Variants in LYSMD2 observed in about 807,000 individuals in gnomAD.
LYSMD2 encodes lysM and putative peptidoglycan-binding domain-containing protein 2.
A neutral mutation model predicts 17.7 loss-of-function variants in LYSMD2; 6 were observed. The ratio of observed to expected loss-of-function variants is 0.34; its 90% CI spans 0.19 to 0.67. The LOEUF (loss-of-function observed/expected upper bound fraction) is 0.67. Ranked by LOEUF, LYSMD2 falls within the 30% of genes least tolerant of loss-of-function variation. LYSMD2 has a pLI of 0.69. For synonymous variants in LYSMD2, 102 were observed against 129.8 expected (o/e 0.79, Z 1.45); for missense variants, 237 against 286.7 (o/e 0.83, Z 1.25).
At position 51,723,396 on chromosome 15, in the gene LYSMD2, T is replaced by C. The variant is rs2055515355; in HGVS notation, c.*211A>G. On this transcript the variant is annotated 3_prime_UTR_variant, in exon 3 of 3. Coordinates refer to ENST00000267838, the MANE Select transcript of LYSMD2 (RefSeq NM_153374.3). ...AAGTGATGAGCTTTAGGCTACAACC[T>C]TGCCATCATGCCATAATAAAGACTT... is the stretch of plus-strand genomic sequence containing the variant. 2 of 497,122 alleles carry C rather than the reference T, an allele frequency of 4.0e-6. No homozygotes were observed. The highest frequency in any genetic ancestry group is 2.5e-5 in the South Asian group (1 of 39,296). The allele number at this position is 497,122 out of a possible 1,614,324, so 30.8% of individuals were successfully genotyped here.
upstream of LYSMD2, chr15:51,737,787 G>A (rs2141599749): frequency 2.2e-6 from 1 of 446,210 alleles, no homozygotes; most frequent in Non-Finnish European, 3.5e-6. The surrounding 1 kb of genome is among the most constrained non-coding windows in gnomAD (Gnocchi z 4.2). Context: ...CGGGCATGGC[G>A]GGCGCCTCCT....
upstream of LYSMD2, among the ~76,000 whole-genome samples, chr15:51,741,082 AGGCATTCCT>A (rs144079735): frequency 2.5e-4 from 38 of 152,370 alleles, 2 homozygotes; most frequent in East Asian, 1.7e-3. Flanking sequence ...ACAAGGGCCA[AGGCATTCCT>A]GAGGAAGAAT....
chr15:51,751,182 T>C lies in LYSMD2; in HGVS notation c.-1+89A>G, dbSNP rs534598474. ...CTTGCTAACTTCCACCTCGCTTACC[T>C]CCTTCCCTCCCTAGGCTGCCAACCC... On this transcript the variant is annotated intron_variant, in intron 1 of 2. Coordinates refer to the LYSMD2 transcript ENST00000454181. 1.5e-4 allele frequency: 104 copies of C among 685,322 alleles called. 1 individual carries two copies. The South Asian group carries it at 1.6e-3, about 10-fold the overall frequency. The allele number at this position is 685,322 out of a possible 1,614,324, so 42.5% of individuals were successfully genotyped here.
Position 51,737,103 on chromosome 15 carries a change from G to A in LYSMD2, c.273+247C>T, listed in dbSNP as rs1361897734. On this transcript the variant is annotated intron_variant, in intron 1 of 2. Coordinates refer to ENST00000267838, the MANE Select transcript of LYSMD2 (RefSeq NM_153374.3). This position sits in a 1 kb window ranked among gnomAD's most constrained non-coding sequence, Gnocchi z 4.2. ...ACCGGGAACTCGATGCAGCTACCTAGGGAGGGAGCCCTGGCGGTCCGCCCC... is the reference window on the plus strand; with the variant it reads ...ACCGGGAACTCGATGCAGCTACCTAAGGAGGGAGCCCTGGCGGTCCGCCCC... Among the ~76,000 whole-genome samples the A allele has an allele frequency of 6.6e-6, 1 of 152,210 alleles. No homozygotes were observed. The highest frequency in any genetic ancestry group is 6.5e-5 in the Admixed American group (1 of 15,288).
intron 1 of LYSMD2, 59 bp from the exon 2 acceptor site, chr15:51,725,180 A>G (rs1362583560): frequency 9.4e-7 from 1 of 1,059,648 alleles, no homozygotes; most frequent in Non-Finnish European, 1.4e-6. Flanking sequence ...AGTAAGATTT[A>G]TTATACAATA....
At chr15:51,732,063 G>A (rs2055580607) in intron 1 of LYSMD2, among the ~76,000 whole-genome samples, 1 of 152,162 alleles carries the variant, frequency 6.6e-6, no homozygotes, top group Admixed American at 6.5e-5. Context: ...AAACTTATAT[G>A]TCATTCCATG....
intron 1 of LYSMD2, among the ~76,000 whole-genome samples, chr15:51,725,671 C>G (rs1184874165): frequency 1.3e-5 from 2 of 151,896 alleles, no homozygotes; most frequent in Non-Finnish European, 1.5e-5. Flanking sequence ...AGCTTATATA[C>G]CCACTCACAT....
At chr15:51,743,760 C>T (rs913886691) in intron 1 of LYSMD2, among the ~76,000 whole-genome samples, 1 of 152,112 alleles carries the variant, frequency 6.6e-6, no homozygotes, top group African/African-American at 2.4e-5. Flanking sequence ...CATGGAATAC[C>T]TCCCCATTTA....
At chr15:51,744,444 T>C (rs1316217776) in intron 1 of LYSMD2, among the ~76,000 whole-genome samples, 1 of 152,180 alleles carries the variant, frequency 6.6e-6, no homozygotes, top group Non-Finnish European at 1.5e-5. Context: ...ATAGATTATA[T>C]TAATTAATTT....
chr15:51,750,798 A>T lies in LYSMD2; in HGVS notation c.-1+473T>A, dbSNP rs80124074. ...CTCTCAAGAACCTGGCAGACAGAAC[A>T]TCTCAGGGTATATTCAGGGATGAAG... On this transcript the variant is annotated intron_variant, in intron 1 of 2. Transcript: ENST00000454181. Among the ~76,000 whole-genome samples, 1,092 of 152,276 alleles carry T rather than the reference A, an allele frequency of 7.2e-3. 14 individuals are homozygous for T. The highest frequency in any genetic ancestry group is 0.025 in the African/African-American group (1,047 of 41,550).
chr15:51,727,039 G>A (rs957158016), intron 1 of LYSMD2, among the ~76,000 whole-genome samples: 1 of 152,180 alleles, frequency 6.6e-6, no homozygotes, highest in African/African-American at 2.4e-5. Flanking sequence ...CACACTAAGT[G>A]CTTAGGATGG....
At chr15:51,734,163 A>C (rs139769575) in intron 1 of LYSMD2, among the ~76,000 whole-genome samples, 61 of 152,320 alleles carry the variant, frequency 4.0e-4, no homozygotes, top group African/African-American at 1.3e-3. Context: ...AGCCAGGGTG[A>C]CAAAGTGAGC....
In LYSMD2 at chr15:51,737,643, G is replaced by C. The variant is rs987641216; in HGVS notation, c.-21C>G. On this transcript the variant is annotated 5_prime_UTR_variant, in exon 1 of 3. Transcript: ENST00000267838. This position sits in a 1 kb window ranked among gnomAD's most constrained non-coding sequence, Gnocchi z 4.2. Reference sequence around the variant, plus strand: ...GCCATGGGTCCTGCCGAGGCCGCCGGGTCGGGGAGCTTGCCAAGGGGGCGG... The same window carrying C: ...GCCATGGGTCCTGCCGAGGCCGCCGCGTCGGGGAGCTTGCCAAGGGGGCGG... The C allele has an allele frequency of 8.3e-7, 1 of 1,204,352 alleles. No homozygotes were observed. The highest frequency in any genetic ancestry group is 1.0e-6 in the Non-Finnish European group (1 of 970,416). 74.6% of individuals were successfully genotyped at this position (1,204,352 alleles called of 1,614,324 possible).
At chr15:51,747,360 G>A (rs757798393) in intron 1 of LYSMD2, among the ~76,000 whole-genome samples, 4 of 149,130 alleles carry the variant, frequency 2.7e-5, no homozygotes, top group African/African-American at 5.0e-5. Context: ...GCGTGGTGGC[G>A]CATGCCTGTA....
Position 51,725,130 on chromosome 15 carries a change from T to C in LYSMD2, c.274-9A>G, listed in dbSNP as rs1165479281. 1.3e-6 allele frequency: 2 copies of C among 1,531,326 alleles called. No individual in the cohort carries two copies. The highest frequency in any genetic ancestry group is 1.8e-6 in the Non-Finnish European group (2 of 1,123,598). The allele number at this position is 1,531,326 out of a possible 1,614,324, so 94.9% of individuals were successfully genotyped here. ...CTTTTAATCTGTTCCATCTAAAATA[T>C]AAAAAAGGAGACACAGAATTACATA... On this transcript the variant is annotated splice_polypyrimidine_tract_variant and intron_variant, in intron 1 of 2. Transcript: ENST00000267838.
At chr15:51,726,345 T>C (rs1309946108) in intron 1 of LYSMD2, among the ~76,000 whole-genome samples, 1 of 152,210 alleles carries the variant, frequency 6.6e-6, no homozygotes, top group Admixed American at 6.5e-5. Flanking sequence ...GGTTCAGGTA[T>C]ACCTATTGCT....
intron 1 of LYSMD2, among the ~76,000 whole-genome samples, chr15:51,728,711 A>G (rs1252832826): frequency 1.3e-5 from 2 of 152,036 alleles, no homozygotes; most frequent in Non-Finnish European, 2.9e-5. Flanking sequence ...CTTTACTAAA[A>G]ATACAAAAAT....
At chr15:51,747,847 T>C (rs777921400) in intron 1 of LYSMD2, among the ~76,000 whole-genome samples, 1 of 152,242 alleles carries the variant, frequency 6.6e-6, no homozygotes, top group Non-Finnish European at 1.5e-5. Context: ...ATTTAATTCA[T>C]AATTCATCAA....
intron 1 of LYSMD2, among the ~76,000 whole-genome samples, chr15:51,729,131 T>C (rs902609621): frequency 1.3e-5 from 2 of 152,258 alleles, no homozygotes; most frequent in African/African-American, 4.8e-5. Context: ...AATAAAAGCA[T>C]TCCATCTAGA....
Sources: gnomAD v4.1 joint callset for allele counts (sites outside exome capture counted in the v4.1 genomes callset) on GRCh38, gnomAD v4.1.1 for gene constraint, Gnocchi (gnomAD v3.1) non-coding constraint, MANE v1.5 for transcripts, NCBI Gene and HGNC (gene_info 2026-07-23, HGNC 2026-07-21) for gene names.